Variants in GAS2 observed in about 807,000 individuals in gnomAD.
GAS2 encodes growth arrest-specific protein 2.
Under a neutral mutation model 37.5 loss-of-function variants are expected in GAS2, and 20 were observed. The observed-to-expected ratio is 0.53, with a 90% CI of 0.37 to 0.77. The LOEUF (loss-of-function observed/expected upper bound fraction) is 0.77, where lower values mean the gene tolerates loss of function less well. Ranked by LOEUF, GAS2 falls within the 30% of genes least tolerant of loss-of-function variation. The probability of loss-of-function intolerance (pLI) is 0.00; values close to 1 mark genes in which losing one functional copy is unlikely to be tolerated. For missense variants in GAS2, 336 were observed against 373.4 expected, an observed-to-expected ratio of 0.90 and a Z score of 0.82; for synonymous variants, 144 against 132.2, an observed-to-expected ratio of 1.09 and a Z score of -0.61.
At chr11:22,694,720 C>A (rs989846632) in intron 3 of GAS2, among the ~76,000 whole-genome samples, 1 of 152,086 alleles carries the variant, frequency 6.6e-6, no homozygotes, top group Non-Finnish European at 1.5e-5. Context: ...TTTATGCTAG[C>A]CCATTGAATT....
intron 4 of GAS2, chr11:22,731,276 C>T: frequency 2.5e-6 from 1 of 406,074 alleles, no homozygotes. Flanking sequence ...AAAATACACA[C>T]TTTTTTTGCT....
chr11:22,733,238 C>G (rs1442123535), intron 4 of GAS2, among the ~76,000 whole-genome samples: 2 of 151,546 alleles, frequency 1.3e-5, no homozygotes, highest in Non-Finnish European at 1.5e-5. Flanking sequence ...CTTCTGACTT[C>G]TAGTTTACTA....
intron 7 of GAS2, among the ~76,000 whole-genome samples, chr11:22,770,024 A>G (rs573909407): frequency 6.6e-6 from 1 of 152,338 alleles, no homozygotes; most frequent in East Asian, 1.9e-4. Flanking sequence ...GGAAGCCATC[A>G]TCCTCAGCAA....
intron 3 of GAS2, among the ~76,000 whole-genome samples, chr11:22,700,735 C>G (rs1228232854): frequency 6.6e-6 from 1 of 152,068 alleles, no homozygotes; most frequent in Non-Finnish European, 1.5e-5. Flanking sequence ...CTTTTCAAGG[C>G]CTGATTATAC....
intron 1 of GAS2, among the ~76,000 whole-genome samples, chr11:22,650,660 T>C (rs1848763144): frequency 6.6e-6 from 1 of 151,472 alleles, no homozygotes; most frequent in Admixed American, 6.6e-5. Flanking sequence ...TTGATCCCTT[T>C]ACCATTATGT....
At chr11:22,700,063 G>A (rs1434354615) in intron 3 of GAS2, among the ~76,000 whole-genome samples, 4 of 152,008 alleles carry the variant, frequency 2.6e-5, no homozygotes, top group Non-Finnish European at 1.5e-5. Flanking sequence ...TCTTTCTTAC[G>A]GTTTGTCCAT....
At chr11:22,721,107 T>C (rs1851926128) in intron 3 of GAS2, among the ~76,000 whole-genome samples, 1 of 152,008 alleles carries the variant, frequency 6.6e-6, no homozygotes. Context: ...ACCCAATTCA[T>C]TTGGTGCTGT....
At chr11:22,731,288 G>T (rs1332685380) in intron 4 of GAS2, 4 of 416,338 alleles carry the variant, frequency 9.6e-6, no homozygotes, top group African/African-American at 2.1e-5. Flanking sequence ...TTTTTTGCTT[G>T]CTATAATTGT....
intron 3 of GAS2, among the ~76,000 whole-genome samples, chr11:22,712,505 G>A (rs1431044670): frequency 6.6e-6 from 1 of 152,204 alleles, no homozygotes; most frequent in East Asian, 1.9e-4. Context: ...AAAGGGGAGA[G>A]CACCACATCA....
chr11:22,651,559 T>TCAGA (rs968363399), intron 1 of GAS2, among the ~76,000 whole-genome samples: 1 of 152,230 alleles, frequency 6.6e-6, no homozygotes, highest in Non-Finnish European at 1.5e-5. Context: ...GGTACACCAA[T>TCAGA]CAGACATAGA....
intron 1 of GAS2, among the ~76,000 whole-genome samples, chr11:22,669,529 G>A (rs1261300322): frequency 6.6e-6 from 1 of 151,870 alleles, no homozygotes; most frequent in African/African-American, 2.4e-5. Flanking sequence ...TGGGACTGTG[G>A]GATAAGAAAG....
upstream of GAS2, among the ~76,000 whole-genome samples, chr11:22,663,720 A>T (rs1217020338): frequency 1.3e-5 from 2 of 152,142 alleles, no homozygotes; most frequent in Non-Finnish European, 2.9e-5. Context: ...TTGTAGTTTT[A>T]TATATGAATG....
At chr11:22,780,762 A>G (rs1239259968) in intron 7 of GAS2, among the ~76,000 whole-genome samples, 1 of 151,038 alleles carries the variant, frequency 6.6e-6, no homozygotes, top group Non-Finnish European at 1.5e-5. Context: ...TCAGACACAT[A>G]TGGTCCAAGG....
intron 7 of GAS2, among the ~76,000 whole-genome samples, chr11:22,783,154 G>A (rs887792462): frequency 1.3e-5 from 2 of 152,160 alleles, no homozygotes; most frequent in Non-Finnish European, 2.9e-5. Flanking sequence ...GTACAAGATA[G>A]CATCTCATTG....
chr11:22,742,045 C>T (rs554969979), intron 5 of GAS2, among the ~76,000 whole-genome samples: 2 of 151,978 alleles, frequency 1.3e-5, no homozygotes, highest in East Asian at 1.9e-4. Context: ...TGTCAAGTGC[C>T]AGAAAAATGA....
At chr11:22,635,876 T>C (rs759828369) in intron 1 of GAS2, among the ~76,000 whole-genome samples, 1 of 152,184 alleles carries the variant, frequency 6.6e-6, no homozygotes, top group African/African-American at 2.4e-5. Flanking sequence ...CAGTGCTAGA[T>C]AGGGTTAAGA....
At chr11:22,639,369 G>C (rs1305348241) in intron 1 of GAS2, among the ~76,000 whole-genome samples, 2 of 152,120 alleles carry the variant, frequency 1.3e-5, no homozygotes, top group Non-Finnish European at 2.9e-5. Flanking sequence ...CTTCTGCCAT[G>C]TTTTGAAGCA....
chr11:22,734,773 T>A (rs770988473), intron 4 of GAS2, among the ~76,000 whole-genome samples: 2 of 151,744 alleles, frequency 1.3e-5, no homozygotes, highest in Non-Finnish European at 3.0e-5. Context: ...CAAAATAATA[T>A]GACCAGCAAG....
chr11:22,674,751 C>A, intron 1 of GAS2, 99 bp from the exon 2 acceptor site: 1 of 876,026 alleles, frequency 1.1e-6, no homozygotes, highest in Non-Finnish European at 1.7e-6. Context: ...GAACTGTCAT[C>A]AGAAAACCCG....
Sources: gnomAD v4.1 joint callset for allele counts (sites outside exome capture counted in the v4.1 genomes callset) on GRCh38, gnomAD v4.1.1 for gene constraint, MANE v1.5 for transcripts, NCBI Gene and HGNC (gene_info 2026-07-23, HGNC 2026-07-21) for gene names.